Variants in OSM observed in about 807,000 individuals in gnomAD.
OSM encodes oncostatin M, also known as oncostatin-M.
Under a neutral mutation model 6.3 loss-of-function variants are expected in OSM, and 1 was observed. The observed-to-expected ratio is 0.16, with a 90% CI of 0.06 to 0.76. The LOEUF is 0.76. OSM is among the 30% of genes least tolerant of loss of function. OSM has a pLI of 0.77. For synonymous variants in OSM, 135 were observed against 143.4 expected (o/e 0.94, Z 0.42); for missense variants, 324 against 336.9 (o/e 0.96, Z 0.30).
rs200191344 is a variant in OSM at position 30,263,483 on chromosome 22, G to C, written c.*400C>G. 10 of 195,182 alleles carry C rather than the reference G, an allele frequency of 5.1e-5. No homozygotes were observed. Among genetic ancestry groups the C allele is most frequent in the Non-Finnish European group, 1.0e-4 (10 of 97,064 alleles). 12.1% of individuals were successfully genotyped at this position (195,182 alleles called of 1,614,324 possible). ...GCTGTGACCTCCCCTTCAGAAACAC[G>C]GAAAGGAGGAAGTCTGGGGGCAACG... On this transcript the variant is annotated 3_prime_UTR_variant, in exon 3 of 3. Transcript: ENST00000215781.
At chr22:30,264,934 G>A in intron 2 of OSM, 68 bp downstream of exon 2, 1 of 1,571,454 alleles carries the variant, frequency 6.4e-7, no homozygotes, top group Non-Finnish European at 8.7e-7. Flanking sequence ...TGTCCTCCCT[G>A]CTTCTCACTC....
At position 30,264,296 on chromosome 22, in the gene OSM, G is replaced by C. The variant is rs749325608; in HGVS notation, c.346C>G (p.Arg116Gly). The C allele has an allele frequency of 6.2e-7, 1 of 1,614,066 alleles. No homozygotes were observed. The highest frequency in any genetic ancestry group is 2.2e-5 in the East Asian group (1 of 44,888). ...VLHRLADLEQ[R>G]LPKAQDLERS... ...TCCAAATCCTGGGCCTTGGGGAGGC[G>C]CTGCTCTAAGTCGGCCAGTCTGTGC... Residue 116 changes from arginine (R) to glycine (G), a missense_variant, in exon 3 of 3, where the codon CGC becomes GGC. By Grantham distance (125) the Arg-to-Gly change is moderately radical (BLOSUM62 -2). Coordinates refer to ENST00000215781, the MANE Select transcript of OSM (RefSeq NM_020530.6).
rs923870146 is a variant in OSM at position 30,263,106 on chromosome 22, C to T, written c.*777G>A. The T allele has an allele frequency of 3.9e-5, 6 of 152,752 alleles. No individual in the cohort carries two copies. The highest frequency in any genetic ancestry group is 3.9e-4 in the Admixed American group (6 of 15,284). The allele number at this position is 152,752 out of a possible 1,614,324, so 9.5% of individuals were successfully genotyped here. A position where few individuals can be genotyped will look rare whatever the true frequency, so the allele number is the denominator to read the frequency against. On this transcript the variant is annotated 3_prime_UTR_variant, in exon 3 of 3. Transcript: ENST00000215781. ...GCGCTGGGAGGTGGGTCTGCTTTTA[C>T]AGAGACCTCCGTGTACACCTCCCAG...
rs144672631 is a variant in OSM, at chr22:30,264,340, G to A, written c.302C>T (p.Ala101Val). The A allele has an allele frequency of 1.4e-5, 22 of 1,613,830 alleles. No individual in the cohort carries two copies. The highest frequency in any genetic ancestry group is 8.3e-5 in the Admixed American group (5 of 59,998). The change falls in exon 3 of 3, where the codon GCC becomes GTC. Residue 101 changes from alanine (A) to valine (V), a missense_variant. By Grantham distance (64) the Ala-to-Val change is moderately conservative. Transcript: ENST00000215781. ...TCTGTGCAGGACGCAGCCCAGTGTG[G>A]CATTGAGGGTCTGCAGGAAGCCCCG... Reference protein sequence around the residue: ...GRRGFLQTLNATLGCVLHRLA... With the variant: ...GRRGFLQTLNVTLGCVLHRLA...
chr22:30,264,094 T>A lies in OSM; in HGVS notation c.548A>T (p.Asp183Val). 1 of 1,608,226 alleles carries A rather than the reference T, an allele frequency of 6.2e-7. No individual in the cohort carries two copies. The highest frequency in any genetic ancestry group is 8.5e-7 in the Non-Finnish European group (1 of 1,175,980). Residue 183 changes from aspartate (D) to valine (V), a missense_variant, in exon 3 of 3, where the codon GAT (aspartate) becomes GTT (valine). Transcript: ENST00000215781. ...GCCCTCCAGCTTGCGCTGAAAAGCA[T>A]CCGAGGCAGGGGTGGGGGTGGGCGG... is the stretch of plus-strand genomic sequence containing the variant. ...SQPPTPTPAS[D>V]AFQRKLEGCR...
Position 30,263,846 on chromosome 22 carries a change from C to T in OSM, c.*37G>A, listed in dbSNP as rs756659365. 16 of 1,454,604 alleles carry T rather than the reference C, an allele frequency of 1.1e-5. No homozygotes were observed. The highest frequency in any genetic ancestry group is 1.4e-5 in the South Asian group (1 of 70,256). 90.1% of individuals were successfully genotyped at this position (1,454,604 alleles called of 1,614,324 possible). On this transcript the variant is annotated 3_prime_UTR_variant, in exon 3 of 3. Transcript: ENST00000215781. ...ATGGTTCCTCTCATCCACAGAGCAC[C>T]TGCCGCATCCTTCACCGGCAAGGGG...
At chr22:30,264,489 G>A (rs146609222) in intron 2 of OSM, 25 bp from the exon 3 acceptor site, 1 of 1,567,154 alleles carries the variant, frequency 6.4e-7, no homozygotes, top group Admixed American at 1.7e-5. Flanking sequence ...AGGATCACAG[G>A]GTGAATGCTG....
At position 30,263,906 on chromosome 22, in the gene OSM, T is replaced by A. The variant is rs553506855; in HGVS notation, c.736A>T (p.Thr246Ser). Residue 246 changes from threonine (T) to serine (S), a missense_variant, in exon 3 of 3, where the codon ACC becomes TCC. Physicochemically the swap from Thr to Ser is moderately conservative, Grantham distance 58 (BLOSUM62 1). Coordinates refer to ENST00000215781, the MANE Select transcript of OSM (RefSeq NM_020530.6). ...RPSRKGKRLMTRGQLPR is the reference protein window; with the variant it reads ...RPSRKGKRLMSRGQLPR ...GGCTACCGGGGCAGCTGTCCCCTGG[T>A]CATGAGTCTCTTGCCTTTCCTGGAG... 6.6e-7 allele frequency: 1 copy of A among 1,504,834 alleles called. No individual in the cohort carries two copies. Among genetic ancestry groups the A allele is most frequent in the East Asian group, 2.3e-5 (1 of 43,644 alleles). The allele number at this position is 1,504,834 out of a possible 1,614,324, so 93.2% of individuals were successfully genotyped here. A position where few individuals can be genotyped will look rare whatever the true frequency, so the allele number is the denominator to read the frequency against.
chr22:30,265,433 G>A, intron 1 of OSM: 1 of 1,212,056 alleles, frequency 8.3e-7, no homozygotes, highest in Non-Finnish European at 1.0e-6. Context: ...AAAGGCTGCA[G>A]TGCCTGGCCG....
intron 1 of OSM, 158 bp from the exon 2 acceptor site, chr22:30,265,302 C>T (rs1929363819): frequency 2.0e-6 from 2 of 985,416 alleles, no homozygotes; most frequent in Non-Finnish European, 1.2e-6. Flanking sequence ...ACGGTGTGTG[C>T]CCAGGTGTGC....
At position 30,264,347 on chromosome 22, in the gene OSM, G is replaced by C. The variant is rs200039038; in HGVS notation, c.295C>G (p.Leu99Val). Residue 99 changes from leucine (L) to valine (V), a missense_variant, in exon 3 of 3, where the codon CTC becomes GTC. Physicochemically the swap from Leu to Val is conservative, Grantham distance 32 (BLOSUM62 1). Transcript: ENST00000215781. The stretch of plus-strand genomic sequence containing the variant: ...AGGACGCAGCCCAGTGTGGCATTGA[G>C]GGTCTGCAGGAAGCCCCGCCTGCCC... ...GLGRRGFLQT[L>V]NATLGCVLHR... 6.2e-7 allele frequency: 1 copy of C among 1,613,946 alleles called. No homozygotes were observed. Among genetic ancestry groups the C allele is most frequent in the Non-Finnish European group, 8.5e-7 (1 of 1,180,026 alleles).
chr22:30,266,737 G>A lies in OSM; in HGVS notation c.34+29C>T, dbSNP rs754219364. Reference sequence around the variant, plus strand: ...ACCCGTGGGCAGACCCAGCAGGCGGGTTCTGGCGGGGAGGAAGGAAGTACT... The same window carrying A: ...ACCCGTGGGCAGACCCAGCAGGCGGATTCTGGCGGGGAGGAAGGAAGTACT... On this transcript the variant is annotated intron_variant, in intron 1 of 2. Transcript: ENST00000215781. This position sits in a 1 kb window ranked among gnomAD's most constrained non-coding sequence, Gnocchi z 5.0. 1 of 1,612,710 alleles carries A rather than the reference G, an allele frequency of 6.2e-7. No homozygotes were observed. Among genetic ancestry groups the A allele is most frequent in the East Asian group, 2.2e-5 (1 of 44,730 alleles).
At chr22:30,265,387 G>C (rs1182533067) in intron 1 of OSM, 10 of 985,506 alleles carry the variant, frequency 1.0e-5, no homozygotes, top group African/African-American at 3.5e-5. Flanking sequence ...GAGGGACTGA[G>C]ACAGTGGCTG....
rs146609222 is a variant in OSM at position 30,264,489 on chromosome 22, G to T, written c.178-25C>A. On this transcript the variant is annotated intron_variant, in intron 2 of 2. Coordinates refer to ENST00000215781, the MANE Select transcript of OSM (RefSeq NM_020530.6). ...TCTGGCGGGAACAGGAGGATCACAG[G>T]GTGAATGCTGAGGATCCGGACCACA... 4,402 of 1,567,142 alleles carry T rather than the reference G, an allele frequency of 2.8e-3. 14 individuals are homozygous for T. Among genetic ancestry groups the T allele is most frequent in the Non-Finnish European group, 2.9e-3 (3,336 of 1,146,276 alleles).
rs1425640259 is a variant in OSM at position 30,266,431 on chromosome 22, A to G, written c.34+335T>C. On this transcript the variant is annotated intron_variant, in intron 1 of 2. Coordinates refer to ENST00000215781, the MANE Select transcript of OSM (RefSeq NM_020530.6). This position sits in a 1 kb window ranked among gnomAD's most constrained non-coding sequence, Gnocchi z 5.0. ...CCACAACCCCTCCACACCTCACACC[A>G]CTTCCCTGCCCAGCTTCTGAGCCTC... 2.6e-5 allele frequency among the ~76,000 whole-genome samples: 4 copies of G among 151,706 alleles called. No individual in the cohort carries two copies. Among genetic ancestry groups the G allele is most frequent in the African/African-American group, 9.7e-5 (4 of 41,278 alleles).
Position 30,266,267 on chromosome 22 carries a change from T to C in OSM, c.34+499A>G, listed in dbSNP as rs937426070. Among the ~76,000 whole-genome samples the C allele has an allele frequency of 6.6e-6, 1 of 152,108 alleles. No homozygotes were observed. The highest frequency in any genetic ancestry group is 1.5e-5 in the Non-Finnish European group (1 of 68,006). On this transcript the variant is annotated intron_variant, in intron 1 of 2. Transcript: ENST00000215781. The surrounding 1 kb of genome is among the most constrained non-coding windows in gnomAD (Gnocchi z 5.0). The stretch of plus-strand genomic sequence containing the variant: ...TGTGGGGGTTCCTGGGCTGGTGAGA[T>C]CCAGGGCTGTAGATGACGTCATATG...
chr22:30,264,193 ATGT>A lies in OSM; in HGVS notation c.446_448del (p.Asn149del). 6.2e-7 allele frequency: 1 copy of A among 1,613,972 alleles called. No individual in the cohort carries two copies. The highest frequency in any genetic ancestry group is 8.5e-7 in the Non-Finnish European group (1 of 1,180,008). On this transcript the variant is annotated inframe_deletion, in exon 3 of 3. Coordinates refer to ENST00000215781, the MANE Select transcript of OSM (RefSeq NM_020530.6). ...GTCCAGCAGCTGGGCCATGCAGTAG[ATGT>A]TGTTCCTGAGCCCGAGGATGTTCGG...
At position 30,263,745 on chromosome 22, in the gene OSM, A is replaced by T; in HGVS notation, c.*138T>A. 1 of 624,138 alleles carries T rather than the reference A, an allele frequency of 1.6e-6. No individual in the cohort carries two copies. The highest frequency in any genetic ancestry group is 2.6e-6 in the Non-Finnish European group (1 of 382,962). 38.7% of individuals were successfully genotyped at this position (624,138 alleles called of 1,614,324 possible). ...AGGTAGAGGGGTCTGCCCAGCTCCC[A>T]CCTCTTAAAGTGCACTTCTCAGTGG... On this transcript the variant is annotated 3_prime_UTR_variant, in exon 3 of 3. Coordinates refer to ENST00000215781, the MANE Select transcript of OSM (RefSeq NM_020530.6).
intron 1 of OSM, 66 bp from the exon 2 acceptor site, chr22:30,265,210 G>A: frequency 6.4e-7 from 1 of 1,567,528 alleles, no homozygotes; most frequent in Non-Finnish European, 8.7e-7. Flanking sequence ...GCCTCGGGGA[G>A]GGGGTTCAAG....
Sources: allele counts gnomAD v4.1 joint callset (sites outside exome capture counted in the v4.1 genomes callset), GRCh38; gene constraint gnomAD v4.1.1; non-coding constraint Gnocchi (gnomAD v3.1); transcripts MANE v1.5; gene names NCBI Gene and HGNC (gene_info 2026-07-23, HGNC 2026-07-21).